NUP98: variants seen among roughly 807,000 people sequenced by gnomAD.
The protein encoded by NUP98 is nuclear pore complex protein Nup98-Nup96.
Under a neutral mutation model 191.9 loss-of-function variants are expected in NUP98, and 26 were observed. That is an observed-to-expected ratio of 0.14 (90% confidence interval 0.10 to 0.19). The LOEUF (loss-of-function observed/expected upper bound fraction) is 0.19. Ranked by LOEUF, NUP98 falls within the 10% of genes least tolerant of loss-of-function variation. The pLI, the probability that NUP98 is intolerant of heterozygous loss-of-function variation, is 1.00. For synonymous variants in NUP98, 808 were observed against 778.4 expected (o/e 1.04, Z -0.63); for missense variants, 1,941 against 2,178.8 (o/e 0.89, Z 2.17).
In NUP98 at chr11:3,775,971, T is replaced by C; in HGVS notation, c.406A>G (p.Thr136Ala). The change falls in exon 5 of 33, where the codon ACC (threonine) becomes GCC (alanine). Residue 136 changes from threonine to alanine, a missense_variant. By Grantham distance (58) the Thr-to-Ala change is moderately conservative (BLOSUM62 0). Coordinates refer to ENST00000324932, the MANE Select transcript of NUP98 (RefSeq NM_016320.5). Reference sequence around the variant, plus strand: ...GATGTGCTGCCAAAAGGATTAGAGGTGGTATTTGTGGTTCCAAAGAGTCCT... The same window carrying C: ...GATGTGCTGCCAAAAGGATTAGAGGCGGTATTTGTGGTTCCAAAGAGTCCT... The part of the protein sequence containing the change: ...SGGLFGTTNT[T>A]SNPFGSTSGS... The C allele has an allele frequency of 6.2e-7, 1 of 1,613,392 alleles. No homozygotes were observed. Among genetic ancestry groups the C allele is most frequent in the South Asian group, 1.1e-5 (1 of 91,038 alleles).
At chr11:3,688,038 G>C (rs1019033850) in intron 28 of NUP98, among the ~76,000 whole-genome samples, 1 of 152,186 alleles carries the variant, frequency 6.6e-6, no homozygotes, top group Non-Finnish European at 1.5e-5. Context: ...AAAAGTTCTG[G>C]AGAGGGTGGT....
At chr11:3,718,354 G>A (rs1262417103) in intron 18 of NUP98, among the ~76,000 whole-genome samples, 1 of 152,032 alleles carries the variant, frequency 6.6e-6, no homozygotes, top group African/African-American at 2.4e-5. Flanking sequence ...TGGTCAACAT[G>A]GCAAAACCCT....
intron 28 of NUP98, among the ~76,000 whole-genome samples, chr11:3,689,323 G>A (rs1292907747): frequency 1.3e-5 from 2 of 152,052 alleles, no homozygotes; most frequent in African/African-American, 2.4e-5. Context: ...TCAGGAGATC[G>A]AGACCATCTT....
At chr11:3,749,877 G>C (rs551355740) in intron 11 of NUP98, among the ~76,000 whole-genome samples, 2 of 152,142 alleles carry the variant, frequency 1.3e-5, no homozygotes, top group East Asian at 3.8e-4. Context: ...TGTATATAAT[G>C]TGAGCAACAC....
intron 11 of NUP98, among the ~76,000 whole-genome samples, chr11:3,748,221 C>G (rs771659399): frequency 6.6e-6 from 1 of 152,138 alleles, no homozygotes; most frequent in Non-Finnish European, 1.5e-5. Flanking sequence ...GAAGACATTG[C>G]TAATCATAAC....
intron 23 of NUP98, among the ~76,000 whole-genome samples, chr11:3,702,004 G>C (rs927364248): frequency 1.3e-5 from 2 of 151,722 alleles, no homozygotes; most frequent in African/African-American, 4.8e-5. Flanking sequence ...TAAAAATGAA[G>C]GATAGGCTGG....
intron 20 of NUP98, among the ~76,000 whole-genome samples, chr11:3,711,391 A>G (rs1463728173): frequency 1.3e-5 from 2 of 152,154 alleles, no homozygotes; most frequent in African/African-American, 4.8e-5. Context: ...TACTATTTCT[A>G]TTCTGGCAAT....
At chr11:3,782,417 CT>C (rs80168819) in intron 1 of NUP98, among the ~76,000 whole-genome samples, 4,589 of 143,486 alleles carry the variant, frequency 0.032, 164 homozygotes, top group African/African-American at 0.09. Context: ...TGTTTTCAAT[CT>C]TTTTTTTTTT....
intron 1 of NUP98, among the ~76,000 whole-genome samples, chr11:3,791,160 G>C (rs973867332): frequency 2.6e-5 from 4 of 152,078 alleles, no homozygotes; most frequent in Admixed American, 6.5e-5. Context: ...CTCCCAAAGT[G>C]CTGGGATTAC....
chr11:3,697,806 G>A (rs900099295), intron 25 of NUP98, among the ~76,000 whole-genome samples: 1 of 103,614 alleles, frequency 9.7e-6, no homozygotes, highest in Admixed American at 1.5e-4. Context: ...TAAACACACA[G>A]ACAGACTCTG....
rs757903474 is a variant in NUP98, at chr11:3,712,550, C to T, written c.2742+14G>A. The T allele has an allele frequency of 1.2e-6, 2 of 1,612,582 alleles. No homozygotes were observed. Among genetic ancestry groups the T allele is most frequent in the Admixed American group, 1.7e-5 (1 of 59,426 alleles). ...CACGGATTCCATTCAAATTCACTGT[C>T]CTTTTTTCTCTACCTGAGGTGGAGG... is the stretch of plus-strand genomic sequence containing the variant. On this transcript the variant is annotated intron_variant, in intron 20 of 32. Coordinates refer to ENST00000324932, the MANE Select transcript of NUP98 (RefSeq NM_016320.5).
intron 10 of NUP98, chr11:3,760,160 C>A: frequency 1.0e-5 from 2 of 192,200 alleles, no homozygotes; most frequent in Non-Finnish European, 2.1e-5. Flanking sequence ...AAACCAACAA[C>A]GACAAAAATA....
Position 3,720,436 on chromosome 11 carries a change from G to C in NUP98, c.2260+276C>G, listed in dbSNP as rs78204055. The stretch of plus-strand genomic sequence containing the variant: ...ATGGTTCTGTGCTTCTCAGGAGGCT[G>C]AGGCAGGAGAAATGCTTGACCCCAG... On this transcript the variant is annotated intron_variant, in intron 17 of 32. Coordinates refer to ENST00000324932, the MANE Select transcript of NUP98 (RefSeq NM_016320.5). Among the ~76,000 whole-genome samples, 201 of 152,240 alleles carry C rather than the reference G, an allele frequency of 1.3e-3. 4 individuals are homozygous for C. In the East Asian group the frequency reaches 0.032, roughly 24 times the overall value.
rs182719696 is a variant in NUP98, at chr11:3,707,970, G to A, written c.2743-1343C>T. ...ACAAAAATTAGCCAGGTGTGGTGGC[G>A]TGTGCCTGTACTCCCAGTTACTTAG... On this transcript the variant is annotated intron_variant, in intron 20 of 32. Coordinates refer to ENST00000324932, the MANE Select transcript of NUP98 (RefSeq NM_016320.5). Among the ~76,000 whole-genome samples, 1,118 of 152,016 alleles carry A rather than the reference G, an allele frequency of 7.4e-3. 7 individuals carry two copies. Among genetic ancestry groups the A allele is most frequent in the Admixed American group, 0.014 (209 of 15,248 alleles).
rs375037200 is a variant in NUP98, at chr11:3,695,492, T to G, written c.4124A>C (p.Gln1375Pro). 3.1e-6 allele frequency: 5 copies of G among 1,605,778 alleles called. No homozygotes were observed. In the East Asian group the frequency reaches 1.1e-4, roughly 36 times the overall value. The change falls in exon 26 of 33, where the codon CAG (glutamine) becomes CCG (proline). Residue 1375 changes from glutamine to proline, a missense_variant. Transcript: ENST00000324932. ...WHQLQADSFI[Q>P]DERLRIFALL... is the part of the protein sequence containing the mutation. ...AGCAAAGATGCGCAGTCTCTCATCCTGGATGAAGGAGTCTGCTTGGAGCTG... is the reference window on the plus strand; with the variant it reads ...AGCAAAGATGCGCAGTCTCTCATCCGGGATGAAGGAGTCTGCTTGGAGCTG...
At chr11:3,794,588 A>C in intron 1 of NUP98, among the ~76,000 whole-genome samples, 1 of 151,576 alleles carries the variant, frequency 6.6e-6, no homozygotes, top group South Asian at 2.1e-4. Context: ...CGGCCTCCCA[A>C]AGTGCTAGGA....
intron 22 of NUP98, among the ~76,000 whole-genome samples, chr11:3,704,452 C>A (rs1469354702): frequency 2.6e-5 from 4 of 152,212 alleles, no homozygotes; most frequent in Non-Finnish European, 5.9e-5. Flanking sequence ...AAGTAGAAAT[C>A]TGATGTGCTC....
At chr11:3,709,852 T>G in intron 20 of NUP98, among the ~76,000 whole-genome samples, 1 of 144,102 alleles carries the variant, frequency 6.9e-6, no homozygotes, top group Non-Finnish European at 1.5e-5. Flanking sequence ...GGGTATAGCT[T>G]TAGGAGATAT....
intron 8 of NUP98, among the ~76,000 whole-genome samples, chr11:3,764,580 T>G (rs894638690): frequency 1.3e-5 from 2 of 152,166 alleles, no homozygotes; most frequent in African/African-American, 4.8e-5. Flanking sequence ...TACTTACTAC[T>G]GTATTTTTTT....
Sources: allele counts gnomAD v4.1 joint callset (sites outside exome capture counted in the v4.1 genomes callset), GRCh38; gene constraint gnomAD v4.1.1; transcripts MANE v1.5; gene names NCBI Gene and HGNC (gene_info 2026-07-23, HGNC 2026-07-21).